The following ZNF227 variants were observed in gnomAD, a reference collection of about 807,000 sequenced individuals.
ZNF227 encodes zinc finger protein 227.
ZNF227 carries 12 observed loss-of-function variants against 13.2 expected under a neutral mutation model. The ratio of observed to expected loss-of-function variants is 0.91; its 90% CI spans 0.58 to 1.47. The LOEUF is 1.47. ZNF227 is among the 40% of genes most tolerant of loss of function. The pLI, the probability that ZNF227 is intolerant of heterozygous loss-of-function variation, is 0.00. For missense variants in ZNF227, 885 were observed against 967.5 expected, an observed-to-expected ratio of 0.91 and a Z score of 1.13; for synonymous variants, 338 against 326.0, an observed-to-expected ratio of 1.04 and a Z score of -0.40.
chr19:44,222,162 G>A (rs1273573012), intron 3 of ZNF227, among the ~76,000 whole-genome samples: 14 of 151,742 alleles, frequency 9.2e-5, no homozygotes, highest in Admixed American at 4.6e-4. Flanking sequence ...TTTGGTTACT[G>A]TAGCCTTGTA....
At chr19:44,223,750 G>A (rs1487204787) in intron 3 of ZNF227, among the ~76,000 whole-genome samples, 1 of 151,634 alleles carries the variant, frequency 6.6e-6, no homozygotes, top group South Asian at 2.1e-4. Flanking sequence ...AGGGTTTTTT[G>A]TGTCTCTATT....
rs1974434224 is a variant in ZNF227 at position 44,235,972 on chromosome 19, C to T, written c.1542C>T (p.His514=). 2 of 1,613,924 alleles carry T rather than the reference C, an allele frequency of 1.2e-6. No individual in the cohort carries two copies. Among genetic ancestry groups the T allele is most frequent in the African/African-American group, 2.7e-5 (2 of 74,922 alleles). ...ASNLQVHQNV[H]TGEKRFKCET... ...ATCTTCAAGTCCATCAGAATGTCCA[C>T]ACTGGGGAGAAACGATTCAAGTGTG... The change falls in exon 6 of 6, where the codon CAC becomes CAT. Residue 514 remains histidine (H), a synonymous_variant. Transcript: ENST00000313040.
chr19:44,225,566 T>G (rs1323237457), intron 3 of ZNF227, among the ~76,000 whole-genome samples: 1 of 152,254 alleles, frequency 6.6e-6, no homozygotes, highest in East Asian at 1.9e-4. Context: ...CATCGGCTCC[T>G]GAGGCTTCTG....
intron 3 of ZNF227, among the ~76,000 whole-genome samples, chr19:44,226,573 G>A (rs574445383): frequency 8.5e-5 from 13 of 152,322 alleles, no homozygotes; most frequent in African/African-American, 2.6e-4. Flanking sequence ...AGGACCCTCC[G>A]AGCCATGTGC....
upstream of ZNF227, among the ~76,000 whole-genome samples, chr19:44,211,814 T>C (rs893529790): frequency 5.6e-5 from 6 of 107,688 alleles, no homozygotes; most frequent in South Asian, 5.3e-4. Flanking sequence ...TCCTCTGCCC[T>C]TTTTTTTTTT....
intron 2 of ZNF227, among the ~76,000 whole-genome samples, chr19:44,216,369 T>C (rs1398128504): frequency 6.6e-6 from 1 of 152,216 alleles, no homozygotes; most frequent in East Asian, 1.9e-4. Flanking sequence ...CTAATTGTTA[T>C]TTCTTTTAGG....
At position 44,235,054 on chromosome 19, in the gene ZNF227, G is replaced by A; in HGVS notation, c.624G>A (p.Met208Ile). ...KNNLQIHEDF[M>I]KKSPFHEHIK... is the part of the protein sequence containing the mutation. ...ACCTGCAAATACATGAAGACTTCAT[G>A]AAGAAATCACCATTTCATGAGCATA... The change falls in exon 6 of 6, where the codon ATG becomes ATA. Residue 208 changes from methionine (M) to isoleucine (I), a missense_variant. Transcript: ENST00000313040. The A allele has an allele frequency of 6.2e-7, 1 of 1,614,002 alleles. No individual in the cohort carries two copies. Among genetic ancestry groups the A allele is most frequent in the Non-Finnish European group, 8.5e-7 (1 of 1,180,010 alleles).
chr19:44,208,545 C>T (rs1296020174), upstream of ZNF227, among the ~76,000 whole-genome samples: 2 of 152,158 alleles, frequency 1.3e-5, no homozygotes, highest in African/African-American at 4.8e-5. Flanking sequence ...ATGAAATTTA[C>T]ATGCGTATCA....
chr19:44,211,403 AGATATGTG>A (rs1161200792), upstream of ZNF227, among the ~76,000 whole-genome samples: 1 of 152,246 alleles, frequency 6.6e-6, no homozygotes, highest in East Asian at 1.9e-4. Flanking sequence ...GTACTGTAGT[AGATATGTG>A]GATATTTTTA....
upstream of ZNF227, among the ~76,000 whole-genome samples, chr19:44,212,012 C>G (rs1971397370): frequency 6.6e-6 from 1 of 151,114 alleles, no homozygotes; most frequent in Non-Finnish European, 1.5e-5. Flanking sequence ...GCCTCAGCCT[C>G]CCAAGTAGCT....
At chr19:44,220,919 C>T (rs547309145) in intron 3 of ZNF227, among the ~76,000 whole-genome samples, 8 of 150,826 alleles carry the variant, frequency 5.3e-5, no homozygotes, top group Non-Finnish European at 8.8e-5. Flanking sequence ...TTTGGTTTTT[C>T]GTCCTTGCGA....
chr19:44,234,111 G>A (rs1974159547), intron 5 of ZNF227, among the ~76,000 whole-genome samples: 1 of 152,134 alleles, frequency 6.6e-6, no homozygotes, highest in Non-Finnish European at 1.5e-5. Flanking sequence ...TTTGCACTAT[G>A]CTCTATTTCC....
At chr19:44,232,267 G>A (rs927529191) in intron 5 of ZNF227, among the ~76,000 whole-genome samples, 2 of 152,204 alleles carry the variant, frequency 1.3e-5, no homozygotes, top group Non-Finnish European at 2.9e-5. Context: ...AGTGACTTCT[G>A]ACACCAAACA....
In ZNF227 at chr19:44,236,242, T is replaced by A; in HGVS notation, c.1812T>A (p.Tyr604Ter). The A allele has an allele frequency of 6.2e-7, 1 of 1,613,900 alleles. No homozygotes were observed. The highest frequency in any genetic ancestry group is 8.5e-7 in the Non-Finnish European group (1 of 1,179,962). Residue 604 changes from tyrosine (Y) to a stop codon, truncating the protein, a stop_gained, in exon 6 of 6, where the codon TAT becomes TAA. Transcript: ENST00000313040. LOFTEE classifies it low-confidence loss of function (END_TRUNC). ...HQRVHSGEKP[Y>*]KCEQCDKSFS... is the part of the protein sequence containing the mutation. ...GAGTTCACTCAGGAGAAAAACCCTA[T>A]AAATGTGAGCAGTGTGATAAGAGCT...
At chr19:44,225,494 G>A (rs189863687) in intron 3 of ZNF227, among the ~76,000 whole-genome samples, 5 of 151,734 alleles carry the variant, frequency 3.3e-5, no homozygotes, top group African/African-American at 4.8e-5. Flanking sequence ...CTGAACTTCC[G>A]TTCTCGCTTC....
At chr19:44,228,284 T>G in intron 3 of ZNF227, 162 bp from the exon 4 acceptor site, 1 of 732,982 alleles carries the variant, frequency 1.4e-6, no homozygotes, top group Non-Finnish European at 2.2e-6. Flanking sequence ...GGGATGAGCG[T>G]AGGAGATAGT....
chr19:44,226,820 A>G (rs1377130544), intron 3 of ZNF227, among the ~76,000 whole-genome samples: 2 of 152,078 alleles, frequency 1.3e-5, no homozygotes, highest in African/African-American at 4.8e-5. Flanking sequence ...AGTGAGATGA[A>G]CCCAGTACCT....
chr19:44,210,903 G>C (rs1971331421), upstream of ZNF227, among the ~76,000 whole-genome samples: 1 of 152,098 alleles, frequency 6.6e-6, no homozygotes, highest in Non-Finnish European at 1.5e-5. Context: ...TAAAAAAGTT[G>C]TGAAAATGGG....
upstream of ZNF227, among the ~76,000 whole-genome samples, chr19:44,211,282 A>G (rs1335305376): frequency 6.6e-6 from 1 of 152,202 alleles, no homozygotes. Context: ...TGAGGGTCCC[A>G]TAGTCTGAAT....
Sources: gnomAD v4.1 joint callset for allele counts (sites outside exome capture counted in the v4.1 genomes callset) on GRCh38, gnomAD v4.1.1 for gene constraint, MANE v1.5 for transcripts, NCBI Gene and HGNC (gene_info 2026-07-23, HGNC 2026-07-21) for gene names.